ECE2: variants seen among roughly 807,000 people sequenced by gnomAD.
ECE2 encodes the protein endothelin-converting enzyme 2.
ECE2 carries 81 observed loss-of-function variants against 100.6 expected under a neutral mutation model. That is an observed-to-expected ratio of 0.81 (90% CI 0.67 to 0.97). The LOEUF (loss-of-function observed/expected upper bound fraction) is 0.97, where lower values mean the gene tolerates loss of function less well. ECE2 is among the 50% of genes least tolerant of loss of function. The pLI is 0.00. For synonymous variants in ECE2, 391 were observed against 391.5 expected, an observed-to-expected ratio of 1.00 and a Z score of 0.02; for missense variants, 911 against 988.1, an observed-to-expected ratio of 0.92 and a Z score of 1.05.
chr3:184,283,131 G>A (rs1486365682), intron 7 of ECE2, among the ~76,000 whole-genome samples: 1 of 152,150 alleles, frequency 6.6e-6, no homozygotes, highest in Non-Finnish European at 1.5e-5. Context: ...CCCATCTGCT[G>A]GACAGACATT....
At chr3:184,277,618 T>C in intron 4 of ECE2, 152 bp downstream of exon 4, 2 of 926,674 alleles carry the variant, frequency 2.2e-6, no homozygotes, top group Non-Finnish European at 3.2e-6. Flanking sequence ...AGCAGGGGAC[T>C]ATTGAGAAGT....
At position 184,283,852 on chromosome 3, in the gene ECE2, C is replaced by T. The variant is rs1385012062; in HGVS notation, c.884C>T (p.Thr295Met). 8 of 1,613,824 alleles carry T rather than the reference C, an allele frequency of 5.0e-6. No individual in the cohort carries two copies. Among genetic ancestry groups the T allele is most frequent in the South Asian group, 3.3e-5 (3 of 91,064 alleles). ...CTGCTGGGTGGGCGGCCCACCTCCA[C>T]GAGGGAGCAGATGCAGCAGGTGCTG... The part of the protein sequence containing the change: ...GMLLGGRPTS[T>M]REQMQQVLEL... The change falls in exon 8 of 19, where the codon ACG (threonine) becomes ATG (methionine). Residue 295 changes from threonine to methionine, a missense_variant. By Grantham distance (81) the Thr-to-Met change is moderately conservative. Coordinates refer to ENST00000404464, the MANE Select transcript of ECE2 (RefSeq NM_001100121.2).
rs1721260341 is a variant in ECE2 at position 184,290,470 on chromosome 3, C to T, written c.1656-87C>T. The T allele has an allele frequency of 4.5e-6, 7 of 1,560,748 alleles. No homozygotes were observed. In the Admixed American group the frequency reaches 5.1e-5, roughly 11 times the overall value. On this transcript the variant is annotated intron_variant, in intron 14 of 18. Transcript: ENST00000404464. ...CTGGTCCCAGACCGGCGGCCCCATA[C>T]CCTTGCAGGAGGTAGGGCAGGGCTG...
In ECE2 at chr3:184,292,093, C is replaced by G. The variant is rs765377239; in HGVS notation, c.2153C>G (p.Ser718Cys). The G allele has an allele frequency of 6.2e-7, 1 of 1,613,962 alleles. No individual in the cohort carries two copies. The highest frequency in any genetic ancestry group is 2.2e-5 in the East Asian group (1 of 44,860). ...TGCTCGGTCCGCACACCAGAGAGCT[C>G]TCACGAGGGGCTGGTGACCGACCCC... ...VWCSVRTPES[S>C]HEGLVTDPHS... is the part of the protein sequence containing the mutation. The change falls in exon 19 of 19, where the codon TCT becomes TGT. Residue 718 changes from serine to cysteine, a missense_variant. Ser to Cys is a moderately radical substitution (Grantham distance 112). Coordinates refer to ENST00000404464, the MANE Select transcript of ECE2 (RefSeq NM_001100121.2).
chr3:184,281,664 A>C (rs1240787065), intron 7 of ECE2, among the ~76,000 whole-genome samples: 2 of 152,256 alleles, frequency 1.3e-5, no homozygotes, highest in African/African-American at 4.8e-5. Context: ...AATTTGGGAG[A>C]GAACCACATC....
chr3:184,278,459 C>T lies in ECE2; in HGVS notation c.751-33C>T, dbSNP rs371282920. The T allele has an allele frequency of 9.3e-5, 149 of 1,609,372 alleles. No individual in the cohort carries two copies. In the Middle Eastern group the frequency reaches 2.4e-3, roughly 25 times the overall value. On this transcript the variant is annotated intron_variant, in intron 6 of 18. Transcript: ENST00000404464. ...ATTCAGGTTCCCATGGTGGGGAAAG[C>T]GAGGGGCTCACCTCCTTTCCTTGAC...
chr3:184,278,601 C>G, intron 7 of ECE2, 44 bp downstream of exon 7: 1 of 1,604,836 alleles, frequency 6.2e-7, no homozygotes, highest in Non-Finnish European at 8.5e-7. Flanking sequence ...CCTGGCTGAG[C>G]TGGGCTGATC....
In ECE2 at chr3:184,288,096, G is replaced by A. The variant is rs956913880; in HGVS notation, c.1374+149G>A. On this transcript the variant is annotated intron_variant, in intron 11 of 18. Coordinates refer to ENST00000404464, the MANE Select transcript of ECE2 (RefSeq NM_001100121.2). ...GAGGCCAAGGCGGGTGAATCATGGG[G>A]TCAGGAGTTCGAGACCAGCCTGGCC... 35 of 635,146 alleles carry A rather than the reference G, an allele frequency of 5.5e-5. No individual in the cohort carries two copies. The Admixed American group carries it at 9.4e-4, about 17-fold the overall frequency. The allele number at this position is 635,146 out of a possible 1,614,324, so 39.3% of individuals were successfully genotyped here.
rs372950223 is a variant in ECE2, at chr3:184,276,472, G to C, written c.40-9G>C. The C allele has an allele frequency of 6.2e-7, 1 of 1,606,232 alleles. No homozygotes were observed. Among genetic ancestry groups the C allele is most frequent in the African/African-American group, 1.3e-5 (1 of 74,844 alleles). ...CTGACCTCGGTTGGCAACCCCGACTGTCTGGCAGATGGTGGAGTACAAACG... is the reference window on the plus strand; with the variant it reads ...CTGACCTCGGTTGGCAACCCCGACTCTCTGGCAGATGGTGGAGTACAAACG... On this transcript the variant is annotated splice_polypyrimidine_tract_variant and intron_variant, in intron 1 of 18. Coordinates refer to ENST00000404464, the MANE Select transcript of ECE2 (RefSeq NM_001100121.2).
chr3:184,287,137 G>C (rs538610264), intron 10 of ECE2, among the ~76,000 whole-genome samples: 1 of 151,930 alleles, frequency 6.6e-6, no homozygotes, highest in Non-Finnish European at 1.5e-5. Context: ...TTAGCCGGGC[G>C]TGGTGGCGGG....
chr3:184,291,177 C>T lies in ECE2; in HGVS notation c.1972C>T (p.Gln658Ter), dbSNP rs752470693. ...CAATGGGGAGAGGCTCAACGGCCGC[C>T]AGACGCTGGGGGAGAACATTGCTGA... Reference protein sequence around the residue: ...QVNGERLNGRQTLGENIADNG... With the variant: ...QVNGERLNGR The change falls in exon 17 of 19, where the codon CAG becomes TAG. Residue 658 changes from glutamine (Q) to a stop codon, truncating the protein, a stop_gained. Transcript: ENST00000404464. LOFTEE classifies it high-confidence loss of function. This position sits in a 1 kb window ranked among gnomAD's most constrained non-coding sequence, Gnocchi z 4.1. 2 of 1,613,892 alleles carry T rather than the reference C, an allele frequency of 1.2e-6. No individual in the cohort carries two copies. Among genetic ancestry groups the T allele is most frequent in the South Asian group, 2.2e-5 (2 of 90,994 alleles).
Position 184,283,878 on chromosome 3 carries a change from G to C in ECE2, c.910G>C (p.Glu304Gln), listed in dbSNP as rs201320198. The C allele has an allele frequency of 1.2e-6, 2 of 1,614,050 alleles. No individual in the cohort carries two copies. The highest frequency in any genetic ancestry group is 1.3e-5 in the African/African-American group (1 of 75,028). ...GAGGGAGCAGATGCAGCAGGTGCTGGAGTTGGAGATACAGCTGGCCAACAT... is the reference window on the plus strand; with the variant it reads ...GAGGGAGCAGATGCAGCAGGTGCTGCAGTTGGAGATACAGCTGGCCAACAT... ...STREQMQQVL[E>Q]LEIQLANITV... The change falls in exon 8 of 19, where the codon GAG becomes CAG. Residue 304 changes from glutamate to glutamine, a missense_variant. Physicochemically the swap from Glu to Gln is conservative, Grantham distance 29. Coordinates refer to ENST00000404464, the MANE Select transcript of ECE2 (RefSeq NM_001100121.2).
At chr3:184,276,385 G>T in intron 1 of ECE2, 96 bp from the exon 2 acceptor site, 1 of 1,488,176 alleles carries the variant, frequency 6.7e-7, no homozygotes. Flanking sequence ...TCTTAGCAGG[G>T]CGGAGGGGTC....
In ECE2 at chr3:184,278,664, C is replaced by T. The variant is rs1560182025; in HGVS notation, c.816+107C>T. ...TCAGAGCAGGGAAGGTGAGCCTATC[C>T]TGTCACCTAGTGAACAAACTGCCCC... is the stretch of plus-strand genomic sequence containing the variant. On this transcript the variant is annotated intron_variant, in intron 7 of 18. Coordinates refer to ENST00000404464, the MANE Select transcript of ECE2 (RefSeq NM_001100121.2). The T allele has an allele frequency of 3.4e-6, 4 of 1,185,928 alleles. No homozygotes were observed. In the African/African-American group the frequency reaches 6.1e-5, roughly 18 times the overall value. 73.5% of individuals were successfully genotyped at this position (1,185,928 alleles called of 1,614,324 possible).
chr3:184,291,457 G>A lies in ECE2; in HGVS notation c.2121+18G>A. The A allele has an allele frequency of 6.4e-7, 1 of 1,557,574 alleles. No individual in the cohort carries two copies. Among genetic ancestry groups the A allele is most frequent in the Non-Finnish European group, 8.7e-7 (1 of 1,152,472 alleles). ...TTGCCCAGGTATCACCCTCTCGGAA[G>A]GCCTGGGGTCTGCCCCTTTGTCCTG... is the stretch of plus-strand genomic sequence containing the variant. On this transcript the variant is annotated intron_variant, in intron 18 of 18. Transcript: ENST00000404464. The surrounding 1 kb of genome is among the most constrained non-coding windows in gnomAD (Gnocchi z 4.1).
chr3:184,284,097 C>A, intron 8 of ECE2, 124 bp downstream of exon 8: 1 of 1,221,358 alleles, frequency 8.2e-7, no homozygotes, highest in Non-Finnish European at 1.1e-6. Flanking sequence ...CTTTTCTGTG[C>A]TCCCCAGCTG....
At chr3:184,277,145 G>T (rs2108416657) in intron 3 of ECE2, 106 bp from the exon 4 acceptor site, 1 of 1,599,868 alleles carries the variant, frequency 6.3e-7, no homozygotes, top group East Asian at 2.3e-5. Context: ...CCCCGGCTTT[G>T]CTTTCTCTTC....
In ECE2 at chr3:184,291,013, T is replaced by G. The variant is rs201663482; in HGVS notation, c.1835-27T>G. On this transcript the variant is annotated intron_variant, in intron 16 of 18. Transcript: ENST00000404464. The surrounding 1 kb of genome is among the most constrained non-coding windows in gnomAD (Gnocchi z 4.1). ...CCCAAGAGACGAGCTCTGGTTTTGG[T>G]GGGGTGCAAAGGTGAGTTCTCCTCA... The G allele has an allele frequency of 6.4e-7, 1 of 1,552,916 alleles. No individual in the cohort carries two copies. The highest frequency in any genetic ancestry group is 1.2e-5 in the South Asian group (1 of 81,438).
chr3:184,285,154 AAGGCTGGGCATAATGGAC>A (rs747575459), intron 9 of ECE2, 49 bp downstream of exon 9: 7 of 1,588,938 alleles, frequency 4.4e-6, no homozygotes, highest in Non-Finnish European at 5.1e-6. Flanking sequence ...GGTCTCCAGC[AAGGCTGGGCATAATGGAC>A]AGGCCCAGCC....
Sources: gnomAD v4.1 joint callset for allele counts (sites outside exome capture counted in the v4.1 genomes callset) on GRCh38, gnomAD v4.1.1 for gene constraint, Gnocchi (gnomAD v3.1) non-coding constraint, MANE v1.5 for transcripts, NCBI Gene and HGNC (gene_info 2026-07-23, HGNC 2026-07-21) for gene names.